Variants in NCOR1 observed in about 807,000 individuals in gnomAD.
The protein encoded by NCOR1 is protein phosphatase 1, regulatory subunit 109.
A neutral mutation model predicts 288.1 loss-of-function variants in NCOR1; 63 were observed. The observed-to-expected ratio is 0.22, with a 90% CI of 0.18 to 0.27. NCOR1 has a LOEUF of 0.27. NCOR1 is among the 10% of genes least tolerant of loss of function. The pLI is 1.00. For missense variants in NCOR1, 2,397 were observed against 3,019.2 expected, an observed-to-expected ratio of 0.79 and a Z score of 4.83; for synonymous variants, 1,007 against 1,065.9, an observed-to-expected ratio of 0.94 and a Z score of 1.08.
Position 16,040,510 on chromosome 17 carries a change from C to T in NCOR1, c.6680-16G>A. On this transcript the variant is annotated splice_polypyrimidine_tract_variant and intron_variant, in intron 42 of 45. Coordinates refer to ENST00000268712, the MANE Select transcript of NCOR1 (RefSeq NM_006311.4). ...TGAGCAGCTGCTATATTTAAGCAAACATTCAAGTTAATTAAGATGTGATAA... is the reference window on the plus strand; with the variant it reads ...TGAGCAGCTGCTATATTTAAGCAAATATTCAAGTTAATTAAGATGTGATAA... 1.2e-6 allele frequency: 2 copies of T among 1,610,992 alleles called. No individual in the cohort carries two copies. The highest frequency in any genetic ancestry group is 2.7e-5 in the African/African-American group (2 of 75,006).
At position 16,057,552 on chromosome 17, in the gene NCOR1, C is replaced by G; in HGVS notation, c.6354G>C (p.Arg2118Ser). 1 of 1,613,968 alleles carries G rather than the reference C, an allele frequency of 6.2e-7. No homozygotes were observed. Among genetic ancestry groups the G allele is most frequent in the South Asian group, 1.1e-5 (1 of 91,070 alleles). The change falls in exon 40 of 46, where the codon AGG (arginine) becomes AGC (serine). Residue 2118 changes from arginine (R) to serine (S), a missense_variant. Transcript: ENST00000268712. ...TGTCCACAAGATTTTCTGGAGAGAC[C>G]CTTGAACCTGGTCTTTGATGATGGA... ...QSVHHQRPGS[R>S]VSPENLVDKS...
At chr17:16,125,426 TG>T (rs887844361) in intron 15 of NCOR1, among the ~76,000 whole-genome samples, 1 of 151,214 alleles carries the variant, frequency 6.6e-6, no homozygotes, top group Admixed American at 6.6e-5. Flanking sequence ...ATTACTAGGC[TG>T]GGCGCAGTGG....
chr17:16,080,819 T>C (rs779544493), intron 23 of NCOR1, 92 bp from the exon 24 acceptor site: 20 of 1,256,204 alleles, frequency 1.6e-5, no homozygotes, highest in Non-Finnish European at 2.1e-5. Context: ...CCATTTCTGT[T>C]TAAAAAAAAA....
chr17:16,084,559 T>C (rs894280448), intron 23 of NCOR1, among the ~76,000 whole-genome samples: 2 of 152,152 alleles, frequency 1.3e-5, no homozygotes, highest in African/African-American at 4.8e-5. Flanking sequence ...TACTACATGA[T>C]TTCAGGACTT....
chr17:16,139,992 T>C (rs1050104272), intron 11 of NCOR1, among the ~76,000 whole-genome samples: 3 of 152,242 alleles, frequency 2.0e-5, no homozygotes, highest in African/African-American at 4.8e-5. Context: ...AACACTATAG[T>C]GTTTAGACTG....
rs1385607342 is a variant in NCOR1 at position 16,068,135 on chromosome 17, G to A, written c.4514-14C>T. ...AAGAAATTGTAACTGGAAAAAAAGA[G>A]CCAATGCCACAAGTTCTTAAGAAAC... On this transcript the variant is annotated splice_polypyrimidine_tract_variant and intron_variant, in intron 31 of 45. Coordinates refer to ENST00000268712, the MANE Select transcript of NCOR1 (RefSeq NM_006311.4). 11 of 1,571,212 alleles carry A rather than the reference G, an allele frequency of 7.0e-6. No homozygotes were observed. The highest frequency in any genetic ancestry group is 9.6e-6 in the Non-Finnish European group (11 of 1,149,672).
intron 37 of NCOR1, 33 bp from the exon 38 acceptor site, chr17:16,058,632 A>G (rs764119763): frequency 6.3e-7 from 1 of 1,577,578 alleles, no homozygotes; most frequent in Non-Finnish European, 8.6e-7. Context: ...TTCAAAACTA[A>G]TCCCAGGAAA....
intron 45 of NCOR1, 133 bp downstream of exon 45, chr17:16,034,632 G>A (rs1973733100): frequency 2.4e-6 from 2 of 818,798 alleles, no homozygotes; most frequent in African/African-American, 3.4e-5. Flanking sequence ...CGGGAAAGTG[G>A]AACATATTAA....
chr17:16,039,339 TAAATG>T (rs201360526), intron 44 of NCOR1, 89 bp downstream of exon 44: 2 of 1,231,336 alleles, frequency 1.6e-6, no homozygotes, highest in Admixed American at 2.1e-5. Context: ...CATAAAGACA[TAAATG>T]AAATGTCTTA....
Position 16,061,447 on chromosome 17 carries a change from C to T in NCOR1, c.5835G>A (p.Lys1945=). Residue 1945 remains lysine (K), a synonymous_variant, in exon 37 of 46, where the codon AAG becomes AAA. Transcript: ENST00000268712. The part of the protein sequence containing the change: ...VIITRQIASD[K]DARERGSQSS... ...TTTGAGAGCCACGTTCCCTCGCATC[C>T]TTGTCCGAGGCAATTTGCCGGGTGA... The T allele has an allele frequency of 6.2e-7, 1 of 1,614,204 alleles. No individual in the cohort carries two copies. Among genetic ancestry groups the T allele is most frequent in the Non-Finnish European group, 8.5e-7 (1 of 1,180,032 alleles).
At chr17:16,109,455 T>G (rs1410352700) in intron 18 of NCOR1, among the ~76,000 whole-genome samples, 2 of 152,058 alleles carry the variant, frequency 1.3e-5, no homozygotes, top group Non-Finnish European at 2.9e-5. Flanking sequence ...CATATTCACT[T>G]TTTTAACATA....
At chr17:16,162,447 G>A (rs202117987) in intron 5 of NCOR1, among the ~76,000 whole-genome samples, 1 of 150,976 alleles carries the variant, frequency 6.6e-6, no homozygotes, top group Non-Finnish European at 1.5e-5. Flanking sequence ...AGGAATATCA[G>A]GTTGGACAGA....
chr17:16,166,699 TCAGA>T lies in NCOR1; in HGVS notation c.436-1542_436-1539del, dbSNP rs2082078469. On this transcript the variant is annotated intron_variant, in intron 4 of 45. Coordinates refer to ENST00000268712, the MANE Select transcript of NCOR1 (RefSeq NM_006311.4). The stretch of plus-strand genomic sequence containing the variant: ...CATCTCAAAAAAAAAGAAAAAAAAA[TCAGA>T]TTTGGTGTATAACCATCTTTATCAA... Among the ~76,000 whole-genome samples the T allele has an allele frequency of 2.6e-5, 4 of 150,990 alleles. No individual in the cohort carries two copies. The South Asian group carries it at 8.4e-4, about 32-fold the overall frequency.
intron 14 of NCOR1, among the ~76,000 whole-genome samples, chr17:16,128,069 G>A (rs962005280): frequency 1.6e-4 from 25 of 152,136 alleles, no homozygotes; most frequent in African/African-American, 4.8e-4. Context: ...ACGAGCCATT[G>A]TGACTGGCCT....
chr17:16,044,923 A>G, intron 42 of NCOR1: 2 of 657,168 alleles, frequency 3.0e-6, no homozygotes, highest in Non-Finnish European at 2.8e-6. Context: ...GAATCTGAGG[A>G]GTCTGATGAT....
At chr17:16,142,216 T>C (rs1259466421) in intron 11 of NCOR1, among the ~76,000 whole-genome samples, 1 of 152,180 alleles carries the variant, frequency 6.6e-6, no homozygotes, top group African/African-American at 2.4e-5. Context: ...TGCTAAGTAG[T>C]ATGAAAACAG....
At position 16,041,875 on chromosome 17, in the gene NCOR1, T is replaced by G. The variant is rs1028837855; in HGVS notation, c.6680-1381A>C. On this transcript the variant is annotated intron_variant, in intron 42 of 45. Coordinates refer to ENST00000268712, the MANE Select transcript of NCOR1 (RefSeq NM_006311.4). The stretch of plus-strand genomic sequence containing the variant: ...CCTCAGCCCCCCGAGTGGCTGGGAC[T>G]ACAGGCGCCCGCCACTATGCCTGGC... Among the ~76,000 whole-genome samples the G allele has an allele frequency of 1.8e-4, 27 of 151,936 alleles. No individual in the cohort carries two copies. In the South Asian group the frequency reaches 5.2e-3, roughly 29 times the overall value.
chr17:16,099,886 A>G (rs2067287057), intron 20 of NCOR1, among the ~76,000 whole-genome samples: 1 of 152,200 alleles, frequency 6.6e-6, no homozygotes, highest in Non-Finnish European at 1.5e-5. Context: ...ACTATATAAA[A>G]CACTCTGAGG....
intron 37 of NCOR1, among the ~76,000 whole-genome samples, chr17:16,059,965 T>A (rs899876705): frequency 3.3e-5 from 5 of 152,216 alleles, no homozygotes; most frequent in African/African-American, 1.2e-4. Flanking sequence ...ATTTGTGACT[T>A]TTGTATCCAC....
Sources: allele counts gnomAD v4.1 joint callset (sites outside exome capture counted in the v4.1 genomes callset), GRCh38; gene constraint gnomAD v4.1.1; transcripts MANE v1.5; gene names NCBI Gene and HGNC (gene_info 2026-07-23, HGNC 2026-07-21).